The following PAX5 variants were observed in gnomAD, a reference collection of about 807,000 sequenced individuals.
The protein encoded by PAX5 is paired box 5.
A neutral mutation model predicts 43.7 loss-of-function variants in PAX5; 9 were observed. The observed-to-expected ratio is 0.21, with a 90% CI of 0.12 to 0.36. The LOEUF is 0.36. PAX5 is among the 10% of genes least tolerant of loss of function. The probability of loss-of-function intolerance (pLI) is 1.00; values close to 1 mark genes in which losing one functional copy is unlikely to be tolerated. For missense variants in PAX5, 383 were observed against 532.7 expected, an observed-to-expected ratio of 0.72 and a Z score of 2.77; for synonymous variants, 228 against 214.3, an observed-to-expected ratio of 1.06 and a Z score of -0.56.
chr9:36,997,398 G>A (rs1425082870), intron 5 of PAX5, among the ~76,000 whole-genome samples: 7 of 152,204 alleles, frequency 4.6e-5, no homozygotes, highest in African/African-American at 1.7e-4. Context: ...CAAACTCAGG[G>A]CCCTGTGAGT....
At chr9:36,998,185 C>G (rs1837552107) in intron 5 of PAX5, among the ~76,000 whole-genome samples, 1 of 152,218 alleles carries the variant, frequency 6.6e-6, no homozygotes, top group Non-Finnish European at 1.5e-5. Context: ...CCAGAGGCCA[C>G]AGAGATCTTA....
chr9:36,957,477 C>T (rs1431167871), intron 6 of PAX5, among the ~76,000 whole-genome samples: 1 of 152,116 alleles, frequency 6.6e-6, no homozygotes, highest in African/African-American at 2.4e-5. Flanking sequence ...AGGTTGGCAA[C>T]CCTACAGAGG....
At chr9:36,980,157 G>T (rs1016004932) in intron 5 of PAX5, among the ~76,000 whole-genome samples, 1 of 152,262 alleles carries the variant, frequency 6.6e-6, no homozygotes, top group Non-Finnish European at 1.5e-5. Context: ...CTATGCTTAG[G>T]GAAATCAGGA....
intron 8 of PAX5, among the ~76,000 whole-genome samples, chr9:36,848,622 G>A (rs1200213224): frequency 2.6e-5 from 4 of 152,110 alleles, no homozygotes; most frequent in South Asian, 2.1e-4. Context: ...CAGGGACAGC[G>A]CCCTCCCCTC....
At chr9:36,863,924 C>T (rs1042072118) in intron 8 of PAX5, among the ~76,000 whole-genome samples, 9 of 152,204 alleles carry the variant, frequency 5.9e-5, no homozygotes, top group Non-Finnish European at 1.3e-4. Flanking sequence ...GCCTGGCCAA[C>T]ATGGTGAAAC....
intron 5 of PAX5, among the ~76,000 whole-genome samples, chr9:36,979,962 A>C (rs773372139): frequency 1.3e-5 from 2 of 152,142 alleles, no homozygotes; most frequent in Non-Finnish European, 2.9e-5. Flanking sequence ...CAGAGACTTG[A>C]ACTTGGGTCC....
chr9:36,934,155 C>A (rs188852849), intron 6 of PAX5, among the ~76,000 whole-genome samples: 1 of 152,208 alleles, frequency 6.6e-6, no homozygotes, highest in African/African-American at 2.4e-5. Flanking sequence ...AAGCCTGACA[C>A]GGCCAAGTCT....
chr9:37,002,577 A>C (rs1837986495), intron 5 of PAX5, 71 bp downstream of exon 5: 1 of 1,538,058 alleles, frequency 6.5e-7, no homozygotes, highest in Non-Finnish European at 8.8e-7. Context: ...CTCTGCTGCC[A>C]CCCGCGACCG....
chr9:36,968,385 C>CTA (rs1170163489), intron 5 of PAX5, among the ~76,000 whole-genome samples: 2 of 152,244 alleles, frequency 1.3e-5, no homozygotes, highest in Non-Finnish European at 2.9e-5. Context: ...CTGTACTTAT[C>CTA]TGGGGACAAC....
chr9:36,836,323 C>T lies in PAX5; in HGVS notation c.*4237G>A, dbSNP rs574716939. 92 of 233,298 alleles carry T rather than the reference C, an allele frequency of 3.9e-4. No individual in the cohort carries two copies. The highest frequency in any genetic ancestry group is 1.8e-3 in the African/African-American group (84 of 45,470). 14.5% of individuals were successfully genotyped at this position (233,298 alleles called of 1,614,324 possible). A position where few individuals can be genotyped will look rare whatever the true frequency, so the allele number is the denominator to read the frequency against. Reference sequence around the variant, plus strand: ...GAGAGTGGCAGGCTCTGGGCGTGCCCGTTTCTACCCCTGCCTTGCTGGACA... The same window carrying T: ...GAGAGTGGCAGGCTCTGGGCGTGCCTGTTTCTACCCCTGCCTTGCTGGACA... On this transcript the variant is annotated 3_prime_UTR_variant, in exon 10 of 10. Coordinates refer to ENST00000358127, the MANE Select transcript of PAX5 (RefSeq NM_016734.3).
chr9:36,938,991 C>T (rs1831798504), intron 6 of PAX5, among the ~76,000 whole-genome samples: 1 of 152,212 alleles, frequency 6.6e-6, no homozygotes, highest in Non-Finnish European at 1.5e-5. Context: ...CTCCTTCTCT[C>T]CCCATTAATT....
intron 6 of PAX5, among the ~76,000 whole-genome samples, chr9:36,952,775 T>C (rs973794324): frequency 3.3e-5 from 5 of 152,210 alleles, no homozygotes; most frequent in African/African-American, 1.2e-4. Flanking sequence ...CTCATTCCTG[T>C]CCCTTAGGAC....
At chr9:36,870,681 CTGGGACT>C (rs1825405466) in intron 8 of PAX5, among the ~76,000 whole-genome samples, 1 of 152,180 alleles carries the variant, frequency 6.6e-6, no homozygotes, top group Non-Finnish European at 1.5e-5. Flanking sequence ...TAAAAAGCTC[CTGGGACT>C]TTAGCCCAGG....
chr9:36,963,250 AG>A (rs1834124357), intron 6 of PAX5, among the ~76,000 whole-genome samples: 1 of 152,228 alleles, frequency 6.6e-6, no homozygotes, highest in Non-Finnish European at 1.5e-5. Flanking sequence ...AGTCAGAGAC[AG>A]GCCTGCAGAC....
intron 1 of PAX5, 66 bp downstream of exon 1, chr9:37,033,920 G>A: frequency 1.3e-6 from 2 of 1,503,064 alleles, no homozygotes; most frequent in Non-Finnish European, 9.2e-7. Flanking sequence ...GGGTCACCCT[G>A]CGTGGGGACC....
At chr9:36,986,372 G>T (rs1356925406) in intron 5 of PAX5, among the ~76,000 whole-genome samples, 2 of 148,078 alleles carry the variant, frequency 1.4e-5, no homozygotes, top group African/African-American at 2.4e-5. Flanking sequence ...CCGCGCCGGC[G>T]GGGGCAGCGC....
chr9:36,861,693 C>T (rs1428631353), intron 8 of PAX5, among the ~76,000 whole-genome samples: 4 of 151,668 alleles, frequency 2.6e-5, no homozygotes, highest in African/African-American at 7.3e-5. Context: ...GTGGCTAGGA[C>T]AGCCAGGAGG....
intron 5 of PAX5, among the ~76,000 whole-genome samples, chr9:36,980,303 G>A (rs1350396923): frequency 1.3e-5 from 2 of 152,242 alleles, no homozygotes; most frequent in Non-Finnish European, 2.9e-5. Flanking sequence ...AGAGCTGGCA[G>A]AGTCTGCAAA....
chr9:36,886,265 G>T (rs1474024471), intron 7 of PAX5, among the ~76,000 whole-genome samples: 1 of 152,214 alleles, frequency 6.6e-6, no homozygotes, highest in Non-Finnish European at 1.5e-5. Flanking sequence ...GGCAATTGCT[G>T]ATTGACAAAG....
Sources: gnomAD v4.1 joint callset for allele counts (sites outside exome capture counted in the v4.1 genomes callset) on GRCh38, gnomAD v4.1.1 for gene constraint, MANE v1.5 for transcripts, NCBI Gene and HGNC (gene_info 2026-07-23, HGNC 2026-07-21) for gene names.